Variants in KDM4C observed in about 807,000 individuals in gnomAD.
The protein encoded by KDM4C is lysine-specific demethylase 4C.
A neutral mutation model predicts 129.3 loss-of-function variants in KDM4C; 81 were observed. That is an observed-to-expected ratio of 0.63 (90% CI 0.52 to 0.75). The LOEUF (loss-of-function observed/expected upper bound fraction) is 0.75. KDM4C is among the 30% of genes least tolerant of loss of function. The probability of loss-of-function intolerance (pLI) is 0.00; values close to 1 mark genes in which losing one functional copy is unlikely to be tolerated. For synonymous variants in KDM4C, 573 were observed against 456.1 expected, an observed-to-expected ratio of 1.26 and a Z score of -3.26; for missense variants, 1,457 against 1,304.0, an observed-to-expected ratio of 1.12 and a Z score of -1.81.
intron 12 of KDM4C, among the ~76,000 whole-genome samples, chr9:7,002,035 G>T (rs547554452): frequency 3.6e-4 from 55 of 152,214 alleles, no homozygotes; most frequent in African/African-American, 1.3e-3. Context: ...TAGGACTACA[G>T]GCACGTACCA....
At chr9:7,011,965 GC>G in intron 13 of KDM4C, 86 bp downstream of exon 13, 1 of 1,135,896 alleles carries the variant, frequency 8.8e-7, no homozygotes, top group East Asian at 2.4e-5. Context: ...ATTGTTGTGG[GC>G]TTCCTTTGCA....
chr9:6,748,227 G>C (rs1724968700), intron 1 of KDM4C, among the ~76,000 whole-genome samples: 1 of 151,752 alleles, frequency 6.6e-6, no homozygotes, highest in African/African-American at 2.4e-5. Flanking sequence ...ACAGGAATTG[G>C]CTGGGCGTGG....
chr9:7,084,745 C>T (rs1834919478), intron 17 of KDM4C, among the ~76,000 whole-genome samples: 1 of 152,190 alleles, frequency 6.6e-6, no homozygotes, highest in Non-Finnish European at 1.5e-5. Context: ...AAAGCAATAT[C>T]TGACATGTAG....
At chr9:6,901,008 A>T (rs7048678) in intron 8 of KDM4C, among the ~76,000 whole-genome samples, 1 of 151,306 alleles carries the variant, frequency 6.6e-6, no homozygotes, top group Non-Finnish European at 1.5e-5. Context: ...ACTTTTCCAT[A>T]TTTTTTCAGT....
intron 17 of KDM4C, among the ~76,000 whole-genome samples, chr9:7,091,686 G>C (rs374286125): frequency 6.6e-6 from 1 of 152,248 alleles, no homozygotes; most frequent in African/African-American, 2.4e-5. Flanking sequence ...AAATAAATCT[G>C]AGAAACATAG....
In KDM4C at chr9:6,871,759, A is replaced by G. The variant is rs1312791416; in HGVS notation, c.630-8253A>G. 3.9e-5 allele frequency among the ~76,000 whole-genome samples: 6 copies of G among 152,212 alleles called. No individual in the cohort carries two copies. The East Asian group carries it at 1.2e-3, about 29-fold the overall frequency. On this transcript the variant is annotated intron_variant, in intron 5 of 21. Transcript: ENST00000381309. ...CCCATAATTTAGGGCCTGGCTGTGG[A>G]GCAGGCACTCTACAAGGTAGATGAA...
At chr9:6,856,570 GTGTGTGTGTGTATT>G (rs1279896503) in intron 5 of KDM4C, among the ~76,000 whole-genome samples, 7 of 137,110 alleles carry the variant, frequency 5.1e-5, no homozygotes, top group East Asian at 5.0e-4. Flanking sequence ...GTGTGTGTGT[GTGTGTGTGTGTATT>G]TTTTTTTGAG....
chr9:7,113,955 A>G (rs1564135075), intron 18 of KDM4C, among the ~76,000 whole-genome samples: 1 of 152,108 alleles, frequency 6.6e-6, no homozygotes, highest in Non-Finnish European at 1.5e-5. Flanking sequence ...ACTTAGAACC[A>G]TGCTGAAGTC....
At chr9:6,785,425 C>A (rs1387939293) in intron 1 of KDM4C, among the ~76,000 whole-genome samples, 3 of 152,068 alleles carry the variant, frequency 2.0e-5, no homozygotes, top group African/African-American at 7.2e-5. Flanking sequence ...CAAACTCTGC[C>A]TCCCGGGTTC....
At chr9:6,727,936 C>A (rs563118069) in intron 1 of KDM4C, among the ~76,000 whole-genome samples, 1 of 151,576 alleles carries the variant, frequency 6.6e-6, no homozygotes. Context: ...GCCATTTTGC[C>A]TTTCTGACAT....
chr9:6,912,843 T>A (rs1162405458), intron 8 of KDM4C, among the ~76,000 whole-genome samples: 2 of 152,232 alleles, frequency 1.3e-5, no homozygotes, highest in South Asian at 2.1e-4. Flanking sequence ...ATCCTTTTTT[T>A]AACTACTTTT....
At chr9:7,115,401 C>T (rs1465924470) in intron 18 of KDM4C, among the ~76,000 whole-genome samples, 2 of 152,072 alleles carry the variant, frequency 1.3e-5, no homozygotes, top group African/African-American at 4.8e-5. Flanking sequence ...ACACTAATCT[C>T]ATATTTTAAT....
At chr9:7,130,610 A>G (rs1441629640) in intron 19 of KDM4C, among the ~76,000 whole-genome samples, 2 of 152,204 alleles carry the variant, frequency 1.3e-5, no homozygotes, top group Non-Finnish European at 2.9e-5. Context: ...AGCATTTTTG[A>G]TAAGGATTTG....
At chr9:6,914,121 G>T (rs977157833) in intron 8 of KDM4C, among the ~76,000 whole-genome samples, 1 of 152,268 alleles carries the variant, frequency 6.6e-6, no homozygotes. Context: ...GTGCAATGGC[G>T]TAATCTCGGC....
intron 4 of KDM4C, among the ~76,000 whole-genome samples, chr9:6,843,168 A>G (rs896163773): frequency 6.6e-6 from 1 of 152,104 alleles, no homozygotes; most frequent in African/African-American, 2.4e-5. Flanking sequence ...ACCTCAGGTG[A>G]TCCTCCCATC....
At chr9:6,976,418 C>G (rs555035787) in intron 8 of KDM4C, among the ~76,000 whole-genome samples, 18 of 152,146 alleles carry the variant, frequency 1.2e-4, no homozygotes, top group Non-Finnish European at 2.5e-4. Flanking sequence ...AGAATGTCTT[C>G]CATTTGTCCA....
intron 12 of KDM4C, among the ~76,000 whole-genome samples, chr9:7,007,444 A>G (rs1406457151): frequency 1.3e-5 from 2 of 152,216 alleles, no homozygotes; most frequent in African/African-American, 2.4e-5. Context: ...ACATTCTTGA[A>G]AGAACCTAGG....
At chr9:7,087,336 C>T (rs1835248354) in intron 17 of KDM4C, among the ~76,000 whole-genome samples, 4 of 151,918 alleles carry the variant, frequency 2.6e-5, no homozygotes, top group South Asian at 2.1e-4. Context: ...TTAACTCCAG[C>T]AGTCTGTAAC....
At chr9:7,061,481 C>T (rs1488521270) in intron 17 of KDM4C, among the ~76,000 whole-genome samples, 1 of 152,164 alleles carries the variant, frequency 6.6e-6, no homozygotes, top group African/African-American at 2.4e-5. Context: ...TGAGCAGAAG[C>T]CTGGTGCTGG....
Sources: allele counts gnomAD v4.1 joint callset (sites outside exome capture counted in the v4.1 genomes callset), GRCh38; gene constraint gnomAD v4.1.1; transcripts MANE v1.5; gene names NCBI Gene and HGNC (gene_info 2026-07-23, HGNC 2026-07-21).